Variants in PRH1 observed in about 807,000 individuals in gnomAD.
PRH1 encodes proline rich protein HaeIII subfamily 1, also known as salivary acidic proline-rich phosphoprotein 1/2.
A neutral mutation model predicts 7.9 loss-of-function variants in PRH1; 7 were observed. The observed-to-expected ratio is 0.89, with a 90% CI of 0.50 to 1.67. The LOEUF (loss-of-function observed/expected upper bound fraction) is 1.67, where lower values mean the gene tolerates loss of function less well. PRH1 is among the 40% of genes most tolerant of loss of function. The pLI, the probability that PRH1 is intolerant of heterozygous loss-of-function variation, is 0.00. For missense variants in PRH1, 109 were observed against 223.6 expected, an observed-to-expected ratio of 0.49 and a Z score of 3.27; for synonymous variants, 45 against 80.8, an observed-to-expected ratio of 0.56 and a Z score of 2.38.
intron 1 of PRH1, among the ~76,000 whole-genome samples, chr12:11,128,138 A>G (rs1311261345): frequency 2.0e-5 from 3 of 151,634 alleles, no homozygotes; most frequent in Non-Finnish European, 4.4e-5. Flanking sequence ...AAAGAAAAAG[A>G]AAAACCTCAA....
intron 1 of PRH1, among the ~76,000 whole-genome samples, chr12:10,976,301 A>G (rs1269664325): frequency 1.3e-5 from 2 of 152,208 alleles, no homozygotes; most frequent in African/African-American, 2.4e-5. Flanking sequence ...TGGAAATTAA[A>G]CAACCCTCTC....
intron 2 of PRH1, among the ~76,000 whole-genome samples, chr12:10,900,003 A>T (rs899389392): frequency 1.3e-5 from 2 of 152,194 alleles, no homozygotes; most frequent in African/African-American, 4.8e-5. Context: ...AAAAAATACC[A>T]ACCTACATAA....
At chr12:11,065,380 A>G (rs1301548727) in intron 1 of PRH1, among the ~76,000 whole-genome samples, 1 of 141,780 alleles carries the variant, frequency 7.1e-6, no homozygotes, top group African/African-American at 2.5e-5. Context: ...AAAAATCTCC[A>G]CAATGCTTCT....
At chr12:10,890,906 T>G (rs1285333241) in intron 2 of PRH1, among the ~76,000 whole-genome samples, 2 of 151,910 alleles carry the variant, frequency 1.3e-5, no homozygotes, top group Non-Finnish European at 2.9e-5. Flanking sequence ...CTCTTTTGTA[T>G]TTCCTCACAT....
intron 1 of PRH1, among the ~76,000 whole-genome samples, chr12:10,992,129 A>G (rs1022421898): frequency 5.3e-5 from 8 of 152,210 alleles, no homozygotes; most frequent in Non-Finnish European, 1.0e-4. Flanking sequence ...AGTTCAGAGA[A>G]GCAGAGTTCA....
At chr12:11,168,244 GA>G (rs1351594166) in intron 1 of PRH1, among the ~76,000 whole-genome samples, 3 of 14,234 alleles carry the variant, frequency 2.1e-4, no homozygotes, top group African/African-American at 5.2e-4. Context: ...AAGAAAGAAA[GA>G]AAGAAAGAAA....
chr12:10,883,389 G>A (rs1949440109), intron 1 of PRH1, among the ~76,000 whole-genome samples: 1 of 152,180 alleles, frequency 6.6e-6, no homozygotes, highest in Middle Eastern at 3.2e-3. Flanking sequence ...TCCTCGGCAT[G>A]AAAATTCTGC....
At chr12:11,125,085 C>T (rs1387731294) in intron 1 of PRH1, among the ~76,000 whole-genome samples, 2 of 152,168 alleles carry the variant, frequency 1.3e-5, no homozygotes, top group Non-Finnish European at 2.9e-5. Flanking sequence ...TCAGGTGATC[C>T]ACCAGCCTCG....
chr12:10,905,331 C>T (rs1401423726), intron 2 of PRH1, among the ~76,000 whole-genome samples: 1 of 151,790 alleles, frequency 6.6e-6, no homozygotes, highest in Non-Finnish European at 1.5e-5. Flanking sequence ...GAACACTATT[C>T]ACAATAGCAA....
intron 1 of PRH1, among the ~76,000 whole-genome samples, chr12:11,106,167 C>A (rs1945407765): frequency 2.1e-5 from 1 of 48,176 alleles, no homozygotes. Context: ...GTCTCGATCT[C>A]CTGACCTCGT....
chr12:10,939,367 G>A (rs1950354083), intron 2 of PRH1: 1 of 530,986 alleles, frequency 1.9e-6, no homozygotes, highest in Non-Finnish European at 3.2e-6. Context: ...GCTAATGGCT[G>A]GGTTTAAAGC....
intron 1 of PRH1, among the ~76,000 whole-genome samples, chr12:11,099,833 A>G (rs1300148113): frequency 1.3e-5 from 2 of 152,206 alleles, no homozygotes; most frequent in East Asian, 3.9e-4. Context: ...AGTGTGGGAA[A>G]TATGTACAAC....
At chr12:10,987,726 A>AT (rs1298571524) in intron 1 of PRH1, among the ~76,000 whole-genome samples, 1 of 152,058 alleles carries the variant, frequency 6.6e-6, no homozygotes, top group Admixed American at 6.6e-5. Flanking sequence ...AACATCAAAC[A>AT]TATCTTTCAT....
intron 1 of PRH1, among the ~76,000 whole-genome samples, chr12:11,125,970 T>C (rs901140598): frequency 2.0e-4 from 30 of 152,260 alleles, no homozygotes; most frequent in South Asian, 4.1e-4. Context: ...AAAATTCTAA[T>C]TACCATGGTG....
intron 1 of PRH1, among the ~76,000 whole-genome samples, chr12:11,003,387 C>CAA (rs1309706987): frequency 6.6e-6 from 1 of 151,654 alleles, no homozygotes; most frequent in African/African-American, 2.4e-5. Flanking sequence ...CATTAACACT[C>CAA]ATATTCCACA....
At chr12:10,940,552 G>C (rs1950382639) in intron 2 of PRH1, among the ~76,000 whole-genome samples, 1 of 147,556 alleles carries the variant, frequency 6.8e-6, no homozygotes, top group African/African-American at 2.5e-5. Context: ...GCCCAGTAGG[G>C]CATATTGCTT....
chr12:11,026,877 CATA>C (rs1157039236), intron 1 of PRH1, among the ~76,000 whole-genome samples: 4 of 152,160 alleles, frequency 2.6e-5, no homozygotes, highest in African/African-American at 7.2e-5. Context: ...TGCCTTGTAT[CATA>C]ATAATAACAC....
chr12:11,095,817 A>G (rs1327951259), intron 1 of PRH1, among the ~76,000 whole-genome samples: 1 of 115,574 alleles, frequency 8.7e-6, no homozygotes, highest in Non-Finnish European at 2.0e-5. Context: ...AACAAAAATA[A>G]TAATAATAAT....
intron 2 of PRH1, among the ~76,000 whole-genome samples, chr12:10,972,831 C>T (rs533214917): frequency 1.3e-5 from 2 of 151,856 alleles, no homozygotes; most frequent in Non-Finnish European, 2.9e-5. Flanking sequence ...TTTTTGGGAA[C>T]CCCAGGAAGG....
Sources: gnomAD v4.1 joint callset for allele counts (sites outside exome capture counted in the v4.1 genomes callset) on GRCh38, gnomAD v4.1.1 for gene constraint, MANE v1.5 for transcripts, NCBI Gene and HGNC (gene_info 2026-07-23, HGNC 2026-07-21) for gene names.